CRACD: variants seen among roughly 807,000 people sequenced by gnomAD.
CRACD encodes capping protein inhibiting regulator of actin dynamics, also known as capping protein-inhibiting regulator of actin dynamics.
A neutral mutation model predicts 106.8 loss-of-function variants in CRACD; 56 were observed. That is an observed-to-expected ratio of 0.52 (90% CI 0.42 to 0.66). The LOEUF (loss-of-function observed/expected upper bound fraction) is 0.66, where lower values mean the gene tolerates loss of function less well. Ranked by LOEUF, CRACD falls within the 30% of genes least tolerant of loss-of-function variation. The pLI is 0.00. For synonymous variants in CRACD, 754 were observed against 670.8 expected (o/e 1.12, Z -1.92); for missense variants, 1,730 against 1,623.2 (o/e 1.07, Z -1.13).
chr4:56,276,580 G>A (rs546328374), intron 3 of CRACD, among the ~76,000 whole-genome samples: 16 of 152,168 alleles, frequency 1.1e-4, no homozygotes, highest in Admixed American at 4.6e-4. Flanking sequence ...ACAGTTCAAA[G>A]ATGAGAAAAC....
chr4:56,295,837 A>G (rs1743989579), intron 3 of CRACD, among the ~76,000 whole-genome samples: 1 of 152,164 alleles, frequency 6.6e-6, no homozygotes, highest in South Asian at 2.1e-4. Context: ...CACAACTTCA[A>G]ATGAAAAGTT....
At chr4:56,227,252 C>T (rs189679164) in intron 2 of CRACD, among the ~76,000 whole-genome samples, 12 of 152,218 alleles carry the variant, frequency 7.9e-5, no homozygotes, top group Admixed American at 3.9e-4. Flanking sequence ...ATATAAAGAA[C>T]TCATTTTCTT....
At chr4:56,276,097 G>A (rs1461271666) in intron 3 of CRACD, among the ~76,000 whole-genome samples, 1 of 152,138 alleles carries the variant, frequency 6.6e-6, no homozygotes, top group African/African-American at 2.4e-5. Context: ...TAGGTTAGAA[G>A]CCTTTATCTC....
intron 1 of CRACD, among the ~76,000 whole-genome samples, chr4:56,068,675 G>C (rs965886100): frequency 1.3e-5 from 2 of 152,112 alleles, no homozygotes; most frequent in Non-Finnish European, 2.9e-5. Flanking sequence ...TACTTGCAGC[G>C]TGGACGTGGG....
chr4:56,076,284 A>T (rs1732835229), intron 1 of CRACD, among the ~76,000 whole-genome samples: 1 of 152,128 alleles, frequency 6.6e-6, no homozygotes, highest in African/African-American at 2.4e-5. Context: ...GAATTCAGAA[A>T]ATACATTTCT....
rs181515274 is a variant in CRACD, at chr4:56,187,793, C to T, written c.-189+8363C>T. ...GCCTCCCACGGATAAGGCACTGCTCCGGACTCTAGGCTGACAAAGAACAAA... is the reference window on the plus strand; with the variant it reads ...GCCTCCCACGGATAAGGCACTGCTCTGGACTCTAGGCTGACAAAGAACAAA... On this transcript the variant is annotated intron_variant, in intron 2 of 10. Transcript: ENST00000682029. 2.4e-3 allele frequency among the ~76,000 whole-genome samples: 364 copies of T among 152,100 alleles called. 2 individuals are homozygous for T. The highest frequency in any genetic ancestry group is 8.1e-3 in the African/African-American group (337 of 41,494).
chr4:56,306,846 C>T (rs183792240), intron 4 of CRACD, among the ~76,000 whole-genome samples: 272 of 152,318 alleles, frequency 1.8e-3, no homozygotes, highest in Admixed American at 3.2e-3. Context: ...TCCTTTGTCA[C>T]GGTTAGGTGG....
At chr4:56,065,113 A>G (rs1446233792) in intron 1 of CRACD, among the ~76,000 whole-genome samples, 1 of 151,144 alleles carries the variant, frequency 6.6e-6, no homozygotes, top group Non-Finnish European at 1.5e-5. Flanking sequence ...TTTGAGATGG[A>G]GTCTTGCTCT....
chr4:56,118,931 A>G (rs950760184), intron 1 of CRACD, among the ~76,000 whole-genome samples: 3 of 152,188 alleles, frequency 2.0e-5, no homozygotes, highest in Non-Finnish European at 2.9e-5. Context: ...ATAATTTTTT[A>G]CTTACATCAA....
At chr4:56,233,786 G>A (rs1739784053) in intron 2 of CRACD, among the ~76,000 whole-genome samples, 1 of 151,968 alleles carries the variant, frequency 6.6e-6, no homozygotes, top group Non-Finnish European at 1.5e-5. Flanking sequence ...AGTCAATTTG[G>A]GTAGCATTAA....
chr4:56,149,855 G>A (rs1401316683), intron 1 of CRACD, among the ~76,000 whole-genome samples: 1 of 152,038 alleles, frequency 6.6e-6, no homozygotes, highest in African/African-American at 2.4e-5. Flanking sequence ...TCTTAACTTC[G>A]GTTTCAGCAT....
chr4:56,260,641 A>G (rs1741640136), intron 2 of CRACD, among the ~76,000 whole-genome samples: 4 of 152,212 alleles, frequency 2.6e-5, no homozygotes, highest in Non-Finnish European at 5.9e-5. Context: ...ATTACTTGAG[A>G]TAATCTGGGT....
chr4:56,264,912 A>G (rs1741917601), intron 2 of CRACD, among the ~76,000 whole-genome samples: 1 of 152,144 alleles, frequency 6.6e-6, no homozygotes, highest in South Asian at 2.1e-4. Flanking sequence ...CGCAACAAAT[A>G]TCTTCTTTCC....
intron 5 of CRACD, chr4:56,309,096 A>G (rs1205157879): frequency 2.3e-6 from 1 of 435,120 alleles, no homozygotes; most frequent in East Asian, 7.0e-5. Flanking sequence ...AAAATAAAAC[A>G]GGGTAATGGA....
At chr4:56,297,106 G>GTTTTT (rs1198412396) in intron 3 of CRACD, among the ~76,000 whole-genome samples, 1 of 151,748 alleles carries the variant, frequency 6.6e-6, no homozygotes, top group Non-Finnish European at 1.5e-5. Flanking sequence ...TTTTGTTTTT[G>GTTTTT]TTTTTTTGGT....
chr4:56,077,700 G>A (rs1440568430), intron 1 of CRACD, among the ~76,000 whole-genome samples: 6 of 152,112 alleles, frequency 3.9e-5, no homozygotes, highest in African/African-American at 1.2e-4. Flanking sequence ...TTCTTTGCAC[G>A]TAGACTTAGC....
intron 1 of CRACD, among the ~76,000 whole-genome samples, chr4:56,162,077 TA>T (rs1474404121): frequency 1.3e-5 from 2 of 152,216 alleles, no homozygotes; most frequent in Admixed American, 1.3e-4. Context: ...TAGCTAATGT[TA>T]ACCACAGCCT....
chr4:56,157,095 T>C (rs2109898223), intron 1 of CRACD, among the ~76,000 whole-genome samples: 1 of 152,382 alleles, frequency 6.6e-6, no homozygotes. Context: ...AATGCTTTTA[T>C]TAAAGTATGG....
intron 4 of CRACD, 64 bp downstream of exon 4, chr4:56,298,413 A>C: frequency 6.3e-7 from 1 of 1,591,046 alleles, no homozygotes; most frequent in African/African-American, 1.3e-5. Flanking sequence ...GGGAAGTGGG[A>C]AAAGTCCCGA....
Sources: gnomAD v4.1 joint callset for allele counts (sites outside exome capture counted in the v4.1 genomes callset) on GRCh38, gnomAD v4.1.1 for gene constraint, MANE v1.5 for transcripts, NCBI Gene and HGNC (gene_info 2026-07-23, HGNC 2026-07-21) for gene names.